The following CACNA1E variants were observed in gnomAD, a reference collection of about 807,000 sequenced individuals.
The protein encoded by CACNA1E is calcium voltage-gated channel subunit alpha1 E, also known as voltage-dependent R-type calcium channel subunit alpha-1E.
A neutral mutation model predicts 259.2 loss-of-function variants in CACNA1E; 40 were observed. The ratio of observed to expected loss-of-function variants is 0.15; its 90% confidence interval spans 0.12 to 0.20. The LOEUF is 0.20. CACNA1E is among the 10% of genes least tolerant of loss of function. The pLI is 1.00. For synonymous variants in CACNA1E, 1,104 were observed against 1,138.5 expected, an observed-to-expected ratio of 0.97 and a Z score of 0.61; for missense variants, 1,874 against 3,040.1, an observed-to-expected ratio of 0.62 and a Z score of 9.02.
At chr1:181,771,249 C>G in intron 35 of CACNA1E, 44 bp from the exon 36 acceptor site, 3 of 1,117,816 alleles carry the variant, frequency 2.7e-6, no homozygotes, top group Non-Finnish European at 2.7e-6. Flanking sequence ...ACACATCACA[C>G]AGCTTGGTAA....
intron 7 of CACNA1E, among the ~76,000 whole-genome samples, chr1:181,710,445 A>G (rs1312709205): frequency 3.9e-5 from 6 of 152,162 alleles, no homozygotes; most frequent in African/African-American, 1.4e-4. Flanking sequence ...TGGCTTCCCC[A>G]TCTGTTAAAT....
chr1:181,549,240 C>T (rs1268896131), intron 3 of CACNA1E, among the ~76,000 whole-genome samples: 1 of 152,054 alleles, frequency 6.6e-6, no homozygotes, highest in Non-Finnish European at 1.5e-5. Flanking sequence ...CACCACAGCT[C>T]CATCAGGTTC....
chr1:181,730,864 G>A (rs1655408260), intron 18 of CACNA1E, among the ~76,000 whole-genome samples: 1 of 152,216 alleles, frequency 6.6e-6, no homozygotes, highest in African/African-American at 2.4e-5. Context: ...ATGTGTAGGT[G>A]GAAGTTTGCG....
At chr1:181,650,688 G>C (rs1252499647) in intron 6 of CACNA1E, among the ~76,000 whole-genome samples, 1 of 150,798 alleles carries the variant, frequency 6.6e-6, no homozygotes, top group African/African-American at 2.4e-5. Context: ...CGAGAATCCG[G>C]AATATGGATT....
intron 46 of CACNA1E, among the ~76,000 whole-genome samples, chr1:181,795,833 T>C (rs2102898488): frequency 6.7e-6 from 1 of 150,136 alleles, no homozygotes. Context: ...GGAATCAAAG[T>C]TGAAAAAGCA....
At chr1:181,578,954 A>T in intron 4 of CACNA1E, 118 bp from the exon 5 acceptor site, 1 of 785,952 alleles carries the variant, frequency 1.3e-6, no homozygotes, top group Non-Finnish European at 1.9e-6. Context: ...TAATAAATTT[A>T]ATCTATCAGA....
intron 1 of CACNA1E, among the ~76,000 whole-genome samples, chr1:181,503,178 T>G (rs886209928): frequency 6.6e-6 from 1 of 152,222 alleles, no homozygotes; most frequent in Non-Finnish European, 1.5e-5. Context: ...AGGCACAAGG[T>G]CTTATGTCTT....
intron 35 of CACNA1E, among the ~76,000 whole-genome samples, chr1:181,770,006 T>C (rs1275975058): frequency 6.6e-6 from 1 of 152,062 alleles, no homozygotes; most frequent in Non-Finnish European, 1.5e-5. Flanking sequence ...CCACCTCCAT[T>C]CTCCCTGAGA....
chr1:181,352,538 T>C (rs1263741564), intron 1 of CACNA1E, among the ~76,000 whole-genome samples: 1 of 152,238 alleles, frequency 6.6e-6, no homozygotes, highest in Non-Finnish European at 1.5e-5. Flanking sequence ...AATATTGAAT[T>C]TCTCTTTATT....
Position 181,805,313 on chromosome 1 carries a change from G to A in CACNA1E, c.*6479G>A, listed in dbSNP as rs1662558642. 6.6e-6 allele frequency: 1 copy of A among 151,830 alleles called. No individual in the cohort carries two copies. The highest frequency in any genetic ancestry group is 3.4e-3 in the Middle Eastern group (1 of 292). The allele number at this position is 151,830 out of a possible 1,614,324, so 9.4% of individuals were successfully genotyped here. A position where few individuals can be genotyped will look rare whatever the true frequency, so the allele number is the denominator to read the frequency against. ...TCCAGTACTCTAATTTTTTTTTATG[G>A]CAATGGCCTATATGGCACAAGAACC... On this transcript the variant is annotated 3_prime_UTR_variant, in exon 48 of 48. Transcript: ENST00000367573.
intron 1 of CACNA1E, among the ~76,000 whole-genome samples, chr1:181,318,307 A>G (rs1650058577): frequency 6.6e-6 from 1 of 151,866 alleles, no homozygotes; most frequent in Non-Finnish European, 1.5e-5. Flanking sequence ...TCTCCTCTGC[A>G]CGCGCTGCCT....
chr1:181,779,830 A>ACACGCACG (rs1553354305), intron 38 of CACNA1E, among the ~76,000 whole-genome samples: 1 of 151,748 alleles, frequency 6.6e-6, no homozygotes, highest in East Asian at 1.9e-4. Flanking sequence ...ACACACACAC[A>ACACGCACG]CACACACACA....
chr1:181,599,469 C>G (rs543975565), intron 6 of CACNA1E, among the ~76,000 whole-genome samples: 6 of 152,334 alleles, frequency 3.9e-5, no homozygotes, highest in Non-Finnish European at 7.3e-5. Flanking sequence ...AGAGAGCACT[C>G]TCCTAATCCT....
rs75420943 is a variant in CACNA1E, at chr1:181,644,329, C to T, written c.952-7009C>T. Among the ~76,000 whole-genome samples the T allele has an allele frequency of 1.6e-3, 249 of 152,250 alleles. 2 individuals carry two copies. In the East Asian group the frequency reaches 0.027, roughly 17 times the overall value. ...AAGTTGCTTGGATCCTCAGGGAAGT[C>T]GCTTTGCTTCCTTGGGGCTCAGTTT... On this transcript the variant is annotated intron_variant, in intron 6 of 47. Transcript: ENST00000367573.
chr1:181,364,085 C>G (rs1654086417), intron 1 of CACNA1E, among the ~76,000 whole-genome samples: 1 of 152,176 alleles, frequency 6.6e-6, no homozygotes, highest in East Asian at 1.9e-4. Context: ...CCATTAGGGC[C>G]TTTGTAATGG....
At chr1:181,707,398 G>A (rs527341447) in intron 7 of CACNA1E, among the ~76,000 whole-genome samples, 11 of 152,218 alleles carry the variant, frequency 7.2e-5, no homozygotes, top group South Asian at 2.1e-4. Context: ...CTACAATGGC[G>A]AAGAAGAGCA....
At chr1:181,757,188 C>A in intron 30 of CACNA1E, 62 bp downstream of exon 30, 2 of 1,182,276 alleles carry the variant, frequency 1.7e-6, no homozygotes, top group Non-Finnish European at 2.5e-6. Context: ...CTTGGGCCAG[C>A]AATGTAAGAA....
rs142953462 is a variant in CACNA1E, at chr1:181,665,489, G to A, written c.1055+14048G>A. ...TTAGTAAAATATAACATGAAGTAAT[G>A]TTTAAAAAGATGGCTTTTTAGATAG... On this transcript the variant is annotated intron_variant, in intron 7 of 47. Transcript: ENST00000367573. 5.4e-3 allele frequency among the ~76,000 whole-genome samples: 820 copies of A among 152,226 alleles called. 4 individuals are homozygous for A. Among genetic ancestry groups the A allele is most frequent in the South Asian group, 0.012 (57 of 4,818 alleles).
intron 7 of CACNA1E, among the ~76,000 whole-genome samples, chr1:181,658,877 TG>T (rs1404397264): frequency 6.6e-6 from 1 of 151,952 alleles, no homozygotes; most frequent in African/African-American, 2.4e-5. Context: ...CAGTTTGGGG[TG>T]GGCTTTATTG....
Sources: allele counts gnomAD v4.1 joint callset (sites outside exome capture counted in the v4.1 genomes callset), GRCh38; gene constraint gnomAD v4.1.1; transcripts MANE v1.5; gene names NCBI Gene and HGNC (gene_info 2026-07-23, HGNC 2026-07-21).